The following SUPT3H variants were observed in gnomAD, a reference collection of about 807,000 sequenced individuals.
SUPT3H encodes the protein transcription initiation protein SPT3 homolog.
Under a neutral mutation model 44.3 loss-of-function variants are expected in SUPT3H, and 44 were observed. That is an observed-to-expected ratio of 0.99 (90% CI 0.78 to 1.28). The LOEUF (loss-of-function observed/expected upper bound fraction) is 1.28, where lower values mean the gene tolerates loss of function less well. Among genes scored for constraint, SUPT3H ranks in the 50% most tolerant of loss-of-function variants. The probability of loss-of-function intolerance (pLI) is 0.00; values close to 1 mark genes in which losing one functional copy is unlikely to be tolerated. For missense variants in SUPT3H, 380 were observed against 387.1 expected (o/e 0.98, Z 0.15); for synonymous variants, 124 against 125.6 (o/e 0.99, Z 0.09).
chr6:45,061,279 A>C (rs1791971134), intron 3 of SUPT3H, among the ~76,000 whole-genome samples: 1 of 152,204 alleles, frequency 6.6e-6, no homozygotes, highest in South Asian at 2.1e-4. Flanking sequence ...AAAAGGAATA[A>C]GATCATGTCC....
In SUPT3H at chr6:45,303,770, G is replaced by A. The variant is rs190118308; in HGVS notation, c.101+61431C>T. ...AGCACTTTGGGAGGCCAAGGTGGGC[G>A]GATCACGAGGTCAGGAGTTCAAGAC... is the stretch of plus-strand genomic sequence containing the variant. On this transcript the variant is annotated intron_variant, in intron 2 of 10. Transcript: ENST00000371459. Among the ~76,000 whole-genome samples the A allele has an allele frequency of 4.0e-3, 609 of 151,868 alleles. 5 individuals are homozygous for A. The highest frequency in any genetic ancestry group is 7.8e-3 in the Non-Finnish European group (527 of 67,928).
At chr6:45,069,088 A>G (rs1271676729) in intron 3 of SUPT3H, among the ~76,000 whole-genome samples, 1 of 152,220 alleles carries the variant, frequency 6.6e-6, no homozygotes, top group Admixed American at 6.5e-5. Context: ...AGAATCAATA[A>G]GTACTGTATT....
intron 2 of SUPT3H, among the ~76,000 whole-genome samples, chr6:45,176,058 C>A (rs950478809): frequency 2.0e-5 from 3 of 151,436 alleles, no homozygotes; most frequent in African/African-American, 4.9e-5. Context: ...AAAACTATAT[C>A]TTGGGGGGAG....
At chr6:44,829,962 G>T in intron 10 of SUPT3H, 105 bp from the exon 11 acceptor site, 1 of 986,670 alleles carries the variant, frequency 1.0e-6, no homozygotes, top group Non-Finnish European at 1.6e-6. Flanking sequence ...GACTCTGCTG[G>T]CTACAATCTA....
intron 6 of SUPT3H, among the ~76,000 whole-genome samples, chr6:45,001,410 C>T (rs770013462): frequency 2.6e-5 from 4 of 151,944 alleles, no homozygotes; most frequent in Admixed American, 1.3e-4. Context: ...CTAACTATCA[C>T]GATGATGAAC....
At chr6:44,956,708 G>C (rs1373705938) in intron 7 of SUPT3H, among the ~76,000 whole-genome samples, 1 of 152,046 alleles carries the variant, frequency 6.6e-6, no homozygotes, top group Non-Finnish European at 1.5e-5. Flanking sequence ...ACCTGGCCTT[G>C]AGTCTTTTCC....
intron 9 of SUPT3H, among the ~76,000 whole-genome samples, chr6:44,937,791 T>C (rs1771709363): frequency 6.6e-6 from 1 of 152,066 alleles, no homozygotes; most frequent in Admixed American, 6.6e-5. Flanking sequence ...GTTTTTTTGT[T>C]GTTGTTGTTT....
chr6:44,884,959 TTA>T (rs1337998887), intron 10 of SUPT3H, among the ~76,000 whole-genome samples: 1 of 152,062 alleles, frequency 6.6e-6, no homozygotes, highest in Non-Finnish European at 1.5e-5. Flanking sequence ...CACCAGGAGA[TTA>T]TATCCTGCAC....
chr6:45,203,829 C>T (rs1762785503), intron 2 of SUPT3H, among the ~76,000 whole-genome samples: 1 of 152,126 alleles, frequency 6.6e-6, no homozygotes, highest in South Asian at 2.1e-4. Flanking sequence ...CCAAGAAAGC[C>T]CCCCTTGACC....
At chr6:45,194,598 C>T (rs2153621171) in intron 2 of SUPT3H, among the ~76,000 whole-genome samples, 1 of 152,198 alleles carries the variant, frequency 6.6e-6, no homozygotes, top group South Asian at 2.1e-4. Flanking sequence ...TAAGCACATG[C>T]TGCAAAACAT....
chr6:44,980,819 T>C (rs767223523), intron 6 of SUPT3H, among the ~76,000 whole-genome samples: 5 of 152,220 alleles, frequency 3.3e-5, no homozygotes, highest in Non-Finnish European at 5.9e-5. Context: ...AGCTTTAAAC[T>C]TCACTAGAGT....
intron 7 of SUPT3H, among the ~76,000 whole-genome samples, chr6:44,957,483 C>G (rs528131842): frequency 2.6e-5 from 4 of 152,102 alleles, no homozygotes; most frequent in African/African-American, 9.6e-5. Flanking sequence ...TAACAGGCAG[C>G]AATTTGGCAA....
At chr6:45,140,494 T>C (rs1308881899) in intron 2 of SUPT3H, among the ~76,000 whole-genome samples, 1 of 152,110 alleles carries the variant, frequency 6.6e-6, no homozygotes, top group African/African-American at 2.4e-5. Context: ...CTCCCAAGAA[T>C]GAGAAAACAA....
intron 10 of SUPT3H, among the ~76,000 whole-genome samples, chr6:44,880,732 T>G (rs889561232): frequency 1.3e-5 from 2 of 152,184 alleles, no homozygotes; most frequent in African/African-American, 4.8e-5. Context: ...CAGATCTCTC[T>G]GCAGAAACCC....
chr6:45,104,612 T>A (rs1799026495), intron 3 of SUPT3H, among the ~76,000 whole-genome samples: 1 of 152,090 alleles, frequency 6.6e-6, no homozygotes, highest in African/African-American at 2.4e-5. Flanking sequence ...AATCTGTAGA[T>A]TTATGTATTT....
chr6:45,298,317 GA>G (rs1270847209), intron 2 of SUPT3H, among the ~76,000 whole-genome samples: 1 of 151,834 alleles, frequency 6.6e-6, no homozygotes, highest in African/African-American at 2.4e-5. Flanking sequence ...TTAGAATCAG[GA>G]AAAACTAAAA....
intron 4 of SUPT3H, among the ~76,000 whole-genome samples, chr6:45,019,994 A>C (rs1461219475): frequency 6.6e-6 from 1 of 151,978 alleles, no homozygotes; most frequent in Non-Finnish European, 1.5e-5. Context: ...TATCAGCTTA[A>C]ATATTTTAAT....
chr6:45,001,782 T>C (rs1445168143), intron 6 of SUPT3H, among the ~76,000 whole-genome samples: 1 of 152,120 alleles, frequency 6.6e-6, no homozygotes, highest in Non-Finnish European at 1.5e-5. Context: ...ATTATTCTAC[T>C]GAACTTTAAA....
At chr6:44,809,838 A>G (rs1766391319) in intron 11 of SUPT3H, among the ~76,000 whole-genome samples, 1 of 152,122 alleles carries the variant, frequency 6.6e-6, no homozygotes, top group African/African-American at 2.4e-5. Context: ...CACTTAATAG[A>G]TGAGGAATCC....
Sources: allele counts gnomAD v4.1 joint callset (sites outside exome capture counted in the v4.1 genomes callset), GRCh38; gene constraint gnomAD v4.1.1; transcripts MANE v1.5; gene names NCBI Gene and HGNC (gene_info 2026-07-23, HGNC 2026-07-21).